PCDHA5: variants seen among roughly 807,000 people sequenced by gnomAD.
The protein encoded by PCDHA5 is protocadherin alpha 5.
Under a neutral mutation model 61.6 loss-of-function variants are expected in PCDHA5, and 43 were observed. The observed-to-expected ratio is 0.70, with a 90% confidence interval of 0.55 to 0.90. The LOEUF (loss-of-function observed/expected upper bound fraction) is 0.90. PCDHA5 is among the 40% of genes least tolerant of loss of function. The pLI, the probability that PCDHA5 is intolerant of heterozygous loss-of-function variation, is 0.00. For synonymous variants in PCDHA5, 627 were observed against 543.9 expected, an observed-to-expected ratio of 1.15 and a Z score of -2.13; for missense variants, 1,298 against 1,222.7, an observed-to-expected ratio of 1.06 and a Z score of -0.92.
At chr5:140,997,142 G>A (rs1038632915) in intron 3 of PCDHA5, among the ~76,000 whole-genome samples, 40 of 151,426 alleles carry the variant, frequency 2.6e-4, no homozygotes, top group African/African-American at 2.7e-4. Flanking sequence ...CCACACCCCC[G>A]CCACAGTGAC....
intron 1 of PCDHA5, chr5:140,862,965 C>G (rs1358517266): frequency 1.8e-6 from 1 of 543,786 alleles, no homozygotes; most frequent in Admixed American, 1.9e-5. Flanking sequence ...TCAGTGGATG[C>G]AGGCCACTTG....
rs782061977 is a variant in PCDHA5 at position 140,870,205 on chromosome 5, A to C, written c.2352+46078A>C. 2.5e-6 allele frequency: 4 copies of C among 1,614,148 alleles called. No homozygotes were observed. The South Asian group carries it at 4.4e-5, about 18-fold the overall frequency. On this transcript the variant is annotated intron_variant, in intron 1 of 3. Transcript: ENST00000529859. Reference sequence around the variant, plus strand: ...AGAGGACGCTCAGCCCAGCACGGTCATTGCCCTGATCAGCGTGTCTGACCG... The same window carrying C: ...AGAGGACGCTCAGCCCAGCACGGTCCTTGCCCTGATCAGCGTGTCTGACCG...
At chr5:140,855,899 C>A in intron 1 of PCDHA5, 1 of 1,074,020 alleles carries the variant, frequency 9.3e-7, no homozygotes, top group Non-Finnish European at 1.3e-6. Flanking sequence ...AAGGCATCAG[C>A]CAGTTTCTCA....
chr5:140,862,896 G>A (rs782777981), intron 1 of PCDHA5: 1 of 554,390 alleles, frequency 1.8e-6, no homozygotes, highest in East Asian at 4.8e-5. Flanking sequence ...CGACAACTTT[G>A]TCTGCGCTGC....
At chr5:140,957,130 A>C in intron 1 of PCDHA5, among the ~76,000 whole-genome samples, 1 of 152,188 alleles carries the variant, frequency 6.6e-6, no homozygotes, top group Middle Eastern at 3.2e-3. Flanking sequence ...TCTTTACTAC[A>C]CTATGAACTA....
At chr5:140,926,557 C>G (rs2083347198) in intron 1 of PCDHA5, 1 of 241,254 alleles carries the variant, frequency 4.1e-6, no homozygotes. Context: ...GACCCCAGCC[C>G]GCTGCTACTG....
intron 1 of PCDHA5, chr5:140,864,363 C>G (rs1389030549): frequency 6.6e-6 from 1 of 152,156 alleles, no homozygotes; most frequent in Non-Finnish European, 1.5e-5. Flanking sequence ...GTTTATCTTT[C>G]TATAATCGAT....
intron 1 of PCDHA5, among the ~76,000 whole-genome samples, chr5:140,922,606 T>C (rs1394298971): frequency 2.6e-5 from 4 of 152,176 alleles, no homozygotes; most frequent in African/African-American, 9.7e-5. Context: ...GTTGAAGATA[T>C]ATTAAAACTA....
chr5:140,877,076 T>C, intron 1 of PCDHA5: 1 of 1,613,022 alleles, frequency 6.2e-7, no homozygotes, highest in Non-Finnish European at 8.5e-7. Flanking sequence ...CAGTTCCAGG[T>C]GAGCGCGCGC....
Position 140,847,092 on chromosome 5 carries a change from G to T in PCDHA5, c.2352+22965G>T, listed in dbSNP as rs1176748439. ...ATGACAAGTAGAAAAGTCCACTTTG[G>T]TTAAAACACACAGTCTGCAGAGAAT... On this transcript the variant is annotated intron_variant, in intron 1 of 3. Coordinates refer to ENST00000529859, the MANE Select transcript of PCDHA5 (RefSeq NM_018908.3). 2.7e-5 allele frequency among the ~76,000 whole-genome samples: 4 copies of T among 149,688 alleles called. 1 individual carries two copies. The highest frequency in any genetic ancestry group is 4.9e-5 in the African/African-American group (2 of 40,860).
intron 1 of PCDHA5, among the ~76,000 whole-genome samples, chr5:140,918,873 C>A (rs774088807): frequency 2.0e-5 from 3 of 152,166 alleles, no homozygotes; most frequent in Non-Finnish European, 4.4e-5. Flanking sequence ...AACTTTCAAG[C>A]CTCTAGAACA....
chr5:140,865,125 A>T (rs1581734540), intron 1 of PCDHA5: 1 of 152,310 alleles, frequency 6.6e-6, no homozygotes, highest in East Asian at 1.9e-4. Flanking sequence ...GGTGTTAATT[A>T]TACCTTAGAA....
chr5:140,862,992 C>T (rs781974665), intron 1 of PCDHA5: 29 of 548,250 alleles, frequency 5.3e-5, no homozygotes, highest in South Asian at 3.7e-4. Context: ...AAGGTGCGCA[C>T]GGTGGACTCC....
At chr5:140,875,978 C>T (rs534648937) in intron 1 of PCDHA5, 2 of 1,613,976 alleles carry the variant, frequency 1.2e-6, no homozygotes, top group East Asian at 4.5e-5. Flanking sequence ...TCTCTTTTGA[C>T]CTATGCGTTA....
At chr5:141,009,391 C>T (rs1006846075) in intron 3 of PCDHA5, among the ~76,000 whole-genome samples, 1 of 152,086 alleles carries the variant, frequency 6.6e-6, no homozygotes, top group Non-Finnish European at 1.5e-5. Context: ...CACAGGAGGT[C>T]GAGGCTGCAG....
At chr5:140,850,141 T>G in intron 1 of PCDHA5, 1 of 1,595,586 alleles carries the variant, frequency 6.3e-7, no homozygotes, top group Non-Finnish European at 8.6e-7. Context: ...GGCAGCAACG[T>G]GACGCTGCAG....
rs2150126772 is a variant in PCDHA5 at position 140,823,539 on chromosome 5, C to A, written c.1764C>A (p.His588Gln). Residue 588 changes from histidine to glutamine, a missense_variant, in exon 1 of 4, where the codon CAC becomes CAA. Transcript: ENST00000529859. ...TGCCGAGGTCAGTGGGTGCGGGCCA[C>A]GTGGTGGCGAAGGTGCGCGCAGTGG... ...ELVPRSVGAG[H>Q]VVAKVRAVDP... 4 of 1,613,710 alleles carry A rather than the reference C, an allele frequency of 2.5e-6. No individual in the cohort carries two copies. The highest frequency in any genetic ancestry group is 2.7e-5 in the African/African-American group (2 of 74,938).
chr5:140,916,579 T>C (rs1013124807), intron 1 of PCDHA5, among the ~76,000 whole-genome samples: 14 of 152,176 alleles, frequency 9.2e-5, no homozygotes, highest in Non-Finnish European at 1.6e-4. Context: ...AGAAATGTCA[T>C]CCATGAGCTA....
rs782304851 is a variant in PCDHA5 at position 140,856,941 on chromosome 5, C to T, written c.2352+32814C>T. ...AGGAAATTTTGGATAAACGAAAGGA[C>T]GGGAGAAATAAAAGTAAATGATGCT... On this transcript the variant is annotated intron_variant, in intron 1 of 3. Coordinates refer to ENST00000529859, the MANE Select transcript of PCDHA5 (RefSeq NM_018908.3). The T allele has an allele frequency of 1.9e-6, 3 of 1,592,588 alleles. No homozygotes were observed. Among genetic ancestry groups the T allele is most frequent in the Admixed American group, 3.4e-5 (2 of 59,186 alleles).
Sources: gnomAD v4.1 joint callset for allele counts (sites outside exome capture counted in the v4.1 genomes callset) on GRCh38, gnomAD v4.1.1 for gene constraint, MANE v1.5 for transcripts, NCBI Gene and HGNC (gene_info 2026-07-23, HGNC 2026-07-21) for gene names.